The following ATF6B variants were observed in gnomAD, a reference collection of about 807,000 sequenced individuals.
ATF6B encodes cyclic AMP-dependent transcription factor ATF-6 beta.
ATF6B carries 50 observed loss-of-function variants against 83.5 expected under a neutral mutation model. That is an observed-to-expected ratio of 0.60 (90% confidence interval 0.48 to 0.76). The LOEUF is 0.76. ATF6B is among the 30% of genes least tolerant of loss of function. The pLI is 0.00. For missense variants in ATF6B, 790 were observed against 893.8 expected, an observed-to-expected ratio of 0.88 and a Z score of 1.48; for synonymous variants, 344 against 362.8, an observed-to-expected ratio of 0.95 and a Z score of 0.59.
Position 32,116,360 on chromosome 6 carries a change from C to A in ATF6B, c.1882+120G>T. On this transcript the variant is annotated intron_variant, in intron 17 of 17. Coordinates refer to ENST00000375203, the MANE Select transcript of ATF6B (RefSeq NM_004381.5). This position sits in a 1 kb window ranked among gnomAD's most constrained non-coding sequence, Gnocchi z 5.1. ...TCTTCCCTCCACCTACTTCCTGCTG[C>A]TTCTCACCTGTGGGTCCAGCAGCTC... 1 of 942,416 alleles carries A rather than the reference C, an allele frequency of 1.1e-6. No homozygotes were observed. The highest frequency in any genetic ancestry group is 1.7e-5 in the South Asian group (1 of 59,044). The allele number at this position is 942,416 out of a possible 1,614,324, so 58.4% of individuals were successfully genotyped here.
At chr6:32,127,784 G>T in intron 1 of ATF6B, 34 bp from the exon 2 acceptor site, 1 of 1,606,692 alleles carries the variant, frequency 6.2e-7, no homozygotes, top group Non-Finnish European at 8.5e-7. Context: ...GGGGTCGTTC[G>T]GTGGCCCCAG....
In ATF6B at chr6:32,121,277, C is replaced by T. The variant is rs767401160; in HGVS notation, c.550G>A (p.Asp184Asn). 28 of 1,613,934 alleles carry T rather than the reference C, an allele frequency of 1.7e-5. No homozygotes were observed. The South Asian group carries it at 1.8e-4, about 10-fold the overall frequency. The change falls in exon 6 of 18, where the codon GAC (aspartate) becomes AAC (asparagine). Residue 184 changes from aspartate to asparagine, a missense_variant. This residue lies in a region of ATF6B where 253 missense variants were observed against 243.1 expected (regional missense o/e 1.04). Coordinates refer to ENST00000375203, the MANE Select transcript of ATF6B (RefSeq NM_004381.5). ...VNSEASLLSA[D>N]SSSQAFIGEE... ...GTGGTGCTCACCTGGCTGGAGGAGTCGGCTGAGAGCAGGGAGGCCTCAGAG... is the reference window on the plus strand; with the variant it reads ...GTGGTGCTCACCTGGCTGGAGGAGTTGGCTGAGAGCAGGGAGGCCTCAGAG...
chr6:32,125,526 C>T lies in ATF6B; in HGVS notation c.478+591G>A, dbSNP rs570599864. On this transcript the variant is annotated intron_variant, in intron 5 of 17. Coordinates refer to ENST00000375203, the MANE Select transcript of ATF6B (RefSeq NM_004381.5). This position sits in a 1 kb window ranked among gnomAD's most constrained non-coding sequence, Gnocchi z 4.1. ...CCTGTAATCTCAGCACTTTGGGAGG[C>T]GGAGGTAGGCGACTCATGAGGTCAG... Among the ~76,000 whole-genome samples, 5 of 152,152 alleles carry T rather than the reference C, an allele frequency of 3.3e-5. No homozygotes were observed. The East Asian group carries it at 5.8e-4, about 18-fold the overall frequency.
At position 32,125,226 on chromosome 6, in the gene ATF6B, G is replaced by A. The variant is rs1465204962; in HGVS notation, c.478+891C>T. Among the ~76,000 whole-genome samples the A allele has an allele frequency of 1.3e-5, 2 of 152,176 alleles. No individual in the cohort carries two copies. Among genetic ancestry groups the A allele is most frequent in the African/African-American group, 4.8e-5 (2 of 41,424 alleles). Reference sequence around the variant, plus strand: ...ATCACAGGGTTTGAAAGTCAGCATGGTGGTCAGGTCTTGTTCATCTTTGCA... The same window carrying A: ...ATCACAGGGTTTGAAAGTCAGCATGATGGTCAGGTCTTGTTCATCTTTGCA... On this transcript the variant is annotated intron_variant, in intron 5 of 17. Transcript: ENST00000375203. This position sits in a 1 kb window ranked among gnomAD's most constrained non-coding sequence, Gnocchi z 4.1.
At chr6:32,126,825 A>T (rs923774072) in intron 4 of ATF6B, among the ~76,000 whole-genome samples, 3 of 152,150 alleles carry the variant, frequency 2.0e-5, no homozygotes, top group Non-Finnish European at 2.9e-5. Context: ...CTGTCACTAC[A>T]CTGTAGTTTG....
At chr6:32,126,891 CA>C (rs1468390151) in intron 4 of ATF6B, among the ~76,000 whole-genome samples, 1 of 151,886 alleles carries the variant, frequency 6.6e-6, no homozygotes, top group South Asian at 2.1e-4. Context: ...AACAAACAAA[CA>C]AAAAAATCTT....
Position 32,115,705 on chromosome 6 carries a change from TC to T in ATF6B, c.*33del. ...TCCCACCTGGCCACCTGGTACCCCC[TC>T]CCCCCGTTCTAAGTCAGTGTGAATG... is the stretch of plus-strand genomic sequence containing the variant. On this transcript the variant is annotated 3_prime_UTR_variant, in exon 18 of 18. Coordinates refer to ENST00000375203, the MANE Select transcript of ATF6B (RefSeq NM_004381.5). 3.9e-6 allele frequency: 6 copies of T among 1,520,892 alleles called. No homozygotes were observed. The highest frequency in any genetic ancestry group is 3.6e-6 in the Non-Finnish European group (4 of 1,124,876). The allele number at this position is 1,520,892 out of a possible 1,614,324, so 94.2% of individuals were successfully genotyped here.
intron 3 of ATF6B, 103 bp from the exon 4 acceptor site, chr6:32,127,297 A>G: frequency 7.3e-7 from 1 of 1,369,586 alleles, no homozygotes; most frequent in East Asian, 2.5e-5. Flanking sequence ...GCAGCAAGGG[A>G]GAAGAAACAA....
rs1215456119 is a variant in ATF6B at position 32,116,451 on chromosome 6, G to T, written c.1882+29C>A. Reference sequence around the variant, plus strand: ...CAGGCTGGATCTCCCTGTTGGAACTGCCCCCATACCCAGCAGGGAAAGAGT... The same window carrying T: ...CAGGCTGGATCTCCCTGTTGGAACTTCCCCCATACCCAGCAGGGAAAGAGT... On this transcript the variant is annotated intron_variant, in intron 17 of 17. Coordinates refer to ENST00000375203, the MANE Select transcript of ATF6B (RefSeq NM_004381.5). This position sits in a 1 kb window ranked among gnomAD's most constrained non-coding sequence, Gnocchi z 5.1. The T allele has an allele frequency of 1.9e-6, 3 of 1,597,732 alleles. No individual in the cohort carries two copies. Among genetic ancestry groups the T allele is most frequent in the Non-Finnish European group, 2.6e-6 (3 of 1,168,048 alleles).
chr6:32,127,261 G>T, intron 3 of ATF6B, 67 bp from the exon 4 acceptor site: 2 of 1,464,766 alleles, frequency 1.4e-6, no homozygotes, highest in South Asian at 1.3e-5. Context: ...AGTACCCAAG[G>T]ACATGTCGGT....
chr6:32,126,136 G>A lies in ATF6B; in HGVS notation c.459C>T (p.Pro153=), dbSNP rs200025453. ...TATTACCTGAGGAATCATCAGAGGT[G>A]GGGATAACGTTGATCTGGACGGTTT... ...SFETVQINVI[P]TSDDSSDVQT... The change falls in exon 5 of 18, where the codon CCC becomes CCT. Residue 153 remains proline, a synonymous_variant. Transcript: ENST00000375203. The A allele has an allele frequency of 2.5e-6, 4 of 1,614,172 alleles. No individual in the cohort carries two copies. In the African/African-American group the frequency reaches 4.0e-5, roughly 16 times the overall value.
chr6:32,121,589 TACTC>T (rs1781770586), intron 5 of ATF6B, among the ~76,000 whole-genome samples: 1 of 152,116 alleles, frequency 6.6e-6, no homozygotes. Flanking sequence ...GTGTCCCAGA[TACTC>T]AGGAGGCTGA....
At chr6:32,120,105 T>C in intron 8 of ATF6B, 148 bp from the exon 9 acceptor site, 6 of 1,099,938 alleles carry the variant, frequency 5.5e-6, no homozygotes, top group Non-Finnish European at 7.5e-6. Flanking sequence ...TTTCTCCTTT[T>C]TTTCTTTTTT....
rs769446222 is a variant in ATF6B at position 32,127,141 on chromosome 6, A to T, written c.304T>A (p.Ser102Thr). The change falls in exon 4 of 18, where the codon TCC becomes ACC. Residue 102 changes from serine (S) to threonine (T), a missense_variant. Around this residue, in one of 3 missense-constraint regions of ATF6B, gnomAD observed 253 missense variants for 243.1 expected, o/e 1.04. Coordinates refer to ENST00000375203, the MANE Select transcript of ATF6B (RefSeq NM_004381.5). ...SSPCSSSSLS[S>T]ESSRLSTEPS... ...TCTGTGGAGAGACGCGATGACTCGG[A>T]GCTGAGGGAGGAGGAAGAGCAGGGG... 8 of 1,611,292 alleles carry T rather than the reference A, an allele frequency of 5.0e-6. No individual in the cohort carries two copies. Among genetic ancestry groups the T allele is most frequent in the Non-Finnish European group, 6.8e-6 (8 of 1,179,094 alleles).
At position 32,118,877 on chromosome 6, in the gene ATF6B, A is replaced by G; in HGVS notation, c.1153-11T>C. ...CTTGAGCTCGCTGTTCTAAGGTACAAAGAAGGAGACAAGAAAAAGGGGAAT... is the reference window on the plus strand; with the variant it reads ...CTTGAGCTCGCTGTTCTAAGGTACAGAGAAGGAGACAAGAAAAAGGGGAAT... On this transcript the variant is annotated splice_polypyrimidine_tract_variant and intron_variant, in intron 10 of 17. Coordinates refer to ENST00000375203, the MANE Select transcript of ATF6B (RefSeq NM_004381.5). The surrounding 1 kb of genome is among the most constrained non-coding windows in gnomAD (Gnocchi z 5.2). The G allele has an allele frequency of 6.2e-7, 1 of 1,614,226 alleles. No homozygotes were observed. Among genetic ancestry groups the G allele is most frequent in the Non-Finnish European group, 8.5e-7 (1 of 1,180,028 alleles).
intron 5 of ATF6B, among the ~76,000 whole-genome samples, chr6:32,124,172 C>T (rs1328247484): frequency 1.3e-5 from 2 of 152,136 alleles, no homozygotes; most frequent in Non-Finnish European, 2.9e-5. Context: ...TATTGCACTC[C>T]AGCCTGGGCA....
Position 32,126,174 on chromosome 6 carries a change from T to C in ATF6B, c.421A>G (p.Thr141Ala), listed in dbSNP as rs1422172968. The C allele has an allele frequency of 6.2e-7, 1 of 1,614,186 alleles. No individual in the cohort carries two copies. The highest frequency in any genetic ancestry group is 8.5e-7 in the Non-Finnish European group (1 of 1,180,032). ...PPLCLLGDDP[T>A]SSFETVQINV... ...ATCTGGACGGTTTCAAATGAGGATGTTGGGTCATCTCCCAGGAGACACAGT... is the reference window on the plus strand; with the variant it reads ...ATCTGGACGGTTTCAAATGAGGATGCTGGGTCATCTCCCAGGAGACACAGT... The change falls in exon 5 of 18, where the codon ACA (threonine) becomes GCA (alanine). Residue 141 changes from threonine to alanine, a missense_variant. By Grantham distance (58) the Thr-to-Ala change is moderately conservative. This residue lies in a region of ATF6B where 253 missense variants were observed against 243.1 expected (regional missense o/e 1.04). Transcript: ENST00000375203.
chr6:32,118,894 A>C lies in ATF6B; in HGVS notation c.1153-28T>G, dbSNP rs1328295209. On this transcript the variant is annotated intron_variant, in intron 10 of 17. Transcript: ENST00000375203. This position sits in a 1 kb window ranked among gnomAD's most constrained non-coding sequence, Gnocchi z 5.2. ...AAGGTACAAAGAAGGAGACAAGAAA[A>C]AGGGGAATCATTCCAAGGAGGCTGT... 6.2e-7 allele frequency: 1 copy of C among 1,614,184 alleles called. No homozygotes were observed. The highest frequency in any genetic ancestry group is 1.3e-5 in the African/African-American group (1 of 75,060).
In ATF6B at chr6:32,117,053, G is replaced by A; in HGVS notation, c.1669C>T (p.Pro557Ser). 1.2e-6 allele frequency: 2 copies of A among 1,614,060 alleles called. No homozygotes were observed. Among genetic ancestry groups the A allele is most frequent in the South Asian group, 2.2e-5 (2 of 91,084 alleles). Reference sequence around the variant, plus strand: ...CACACTCACCTTTCTGGGGGTCCAGGGGGTTGGATGGGGACTGCCTTAACT... The same window carrying A: ...CACACTCACCTTTCTGGGGGTCCAGAGGGTTGGATGGGGACTGCCTTAACT... ...PPVKAVPIQP[P>S]GPPERDSVGQ... The change falls in exon 15 of 18, where the codon CCT (proline) becomes TCT (serine). Residue 557 changes from proline to serine, a missense_variant. Coordinates refer to ENST00000375203, the MANE Select transcript of ATF6B (RefSeq NM_004381.5). The surrounding 1 kb of genome is among the most constrained non-coding windows in gnomAD (Gnocchi z 5.0).
Sources: gnomAD v4.1 joint callset for allele counts (sites outside exome capture counted in the v4.1 genomes callset) on GRCh38, gnomAD v4.1.1 for gene constraint, gnomAD v4.1.1 regional missense constraint, Gnocchi (gnomAD v3.1) non-coding constraint, MANE v1.5 for transcripts, NCBI Gene and HGNC (gene_info 2026-07-23, HGNC 2026-07-21) for gene names.